FHIT: variants seen among roughly 807,000 people sequenced by gnomAD.
FHIT encodes fragile histidine triad diadenosine triphosphatase.
Under a neutral mutation model 17.9 loss-of-function variants are expected in FHIT, and 19 were observed. That is an observed-to-expected ratio of 1.06 (90% CI 0.74 to 1.56). The LOEUF is 1.56. Ranked by LOEUF, FHIT falls within the 40% of genes most tolerant of loss-of-function variation. FHIT has a pLI of 0.00. For synonymous variants in FHIT, 81 were observed against 69.7 expected (o/e 1.16, Z -0.81); for missense variants, 248 against 189.2 (o/e 1.31, Z -1.82).
intron 5 of FHIT, among the ~76,000 whole-genome samples, chr3:60,519,523 A>T (rs1576801518): frequency 6.6e-6 from 1 of 152,210 alleles, no homozygotes; most frequent in Non-Finnish European, 1.5e-5. Flanking sequence ...TTACCAATAA[A>T]CACTTGATTA....
intron 4 of FHIT, among the ~76,000 whole-genome samples, chr3:60,770,630 CT>C (rs1165857140): frequency 6.6e-6 from 1 of 152,142 alleles, no homozygotes; most frequent in African/African-American, 2.4e-5. Flanking sequence ...CCTTCGTATC[CT>C]AGATGTTACA....
chr3:61,023,596 C>T (rs74622387), intron 3 of FHIT, among the ~76,000 whole-genome samples: 5,015 of 152,162 alleles, frequency 0.033, 201 homozygotes, highest in African/African-American at 0.079. Context: ...TGATCTCAAA[C>T]GATACTACAA....
chr3:61,153,542 T>C (rs946449637), intron 2 of FHIT, among the ~76,000 whole-genome samples: 2 of 152,210 alleles, frequency 1.3e-5, no homozygotes, highest in African/African-American at 4.8e-5. Flanking sequence ...TCACTTTTTG[T>C]CTTTGAGTGA....
At chr3:61,037,392 C>T (rs1343873768) in intron 3 of FHIT, among the ~76,000 whole-genome samples, 2 of 152,082 alleles carry the variant, frequency 1.3e-5, no homozygotes, top group African/African-American at 4.8e-5. Flanking sequence ...ATAGTGTTTC[C>T]CAAAGCCTGG....
chr3:60,450,858 G>A (rs556286770), intron 5 of FHIT, among the ~76,000 whole-genome samples: 2 of 152,294 alleles, frequency 1.3e-5, no homozygotes, highest in South Asian at 4.1e-4. Context: ...TTAGGTACTA[G>A]TGACTTCGAA....
At chr3:60,170,066 G>A (rs902288076) in intron 5 of FHIT, among the ~76,000 whole-genome samples, 1 of 152,108 alleles carries the variant, frequency 6.6e-6, no homozygotes, top group Non-Finnish European at 1.5e-5. Context: ...GATTGGAGAA[G>A]GCGCCTTCTG....
At chr3:60,494,042 T>C (rs2034184115) in intron 5 of FHIT, among the ~76,000 whole-genome samples, 1 of 152,196 alleles carries the variant, frequency 6.6e-6, no homozygotes, top group Non-Finnish European at 1.5e-5. Flanking sequence ...CTCAAATACA[T>C]AAAGTTGTAA....
intron 3 of FHIT, among the ~76,000 whole-genome samples, chr3:60,963,249 T>C (rs1273212067): frequency 7.2e-5 from 11 of 152,234 alleles, no homozygotes; most frequent in Non-Finnish European, 1.2e-4. Flanking sequence ...GGTGGTAGTT[T>C]ATATTTCTGT....
intron 2 of FHIT, among the ~76,000 whole-genome samples, chr3:61,100,845 G>A (rs1259330618): frequency 6.6e-6 from 1 of 152,162 alleles, no homozygotes; most frequent in East Asian, 1.9e-4. Context: ...TCTGCTGACT[G>A]CATAGATGTC....
chr3:60,141,077 G>T (rs1205357781), intron 5 of FHIT, among the ~76,000 whole-genome samples: 4 of 152,144 alleles, frequency 2.6e-5, no homozygotes, highest in Admixed American at 1.3e-4. Context: ...AATAGCAGAA[G>T]AATGAAACTC....
intron 5 of FHIT, among the ~76,000 whole-genome samples, chr3:60,198,752 CTCTCTT>C: frequency 6.6e-6 from 1 of 152,290 alleles, no homozygotes; most frequent in Admixed American, 6.5e-5. Flanking sequence ...ATTTCTCAAT[CTCTCTT>C]TCTATCTTTT....
intron 5 of FHIT, among the ~76,000 whole-genome samples, chr3:60,245,867 A>T (rs1167173631): frequency 6.6e-6 from 1 of 152,136 alleles, no homozygotes; most frequent in Non-Finnish European, 1.5e-5. Flanking sequence ...CTGGAAAAAA[A>T]CTATCTGTAT....
At chr3:61,130,294 A>T (rs1230470089) in intron 2 of FHIT, among the ~76,000 whole-genome samples, 2 of 152,206 alleles carry the variant, frequency 1.3e-5, no homozygotes, top group Non-Finnish European at 2.9e-5. Flanking sequence ...TTGACCATAC[A>T]ACTCCACGTG....
chr3:60,973,327 T>C (rs56702966), intron 3 of FHIT, among the ~76,000 whole-genome samples: 15,747 of 152,152 alleles, frequency 0.1, 1,021 homozygotes, highest in East Asian at 0.24. Context: ...TCCTACTTCT[T>C]TGAAAGCCCT....
At chr3:60,178,829 T>C (rs1701795775) in intron 5 of FHIT, among the ~76,000 whole-genome samples, 1 of 152,170 alleles carries the variant, frequency 6.6e-6, no homozygotes, top group Non-Finnish European at 1.5e-5. Context: ...TACCATGGTA[T>C]GAGCATATTA....
chr3:60,541,200 A>G (rs1229802498), intron 4 of FHIT, among the ~76,000 whole-genome samples: 6 of 152,196 alleles, frequency 3.9e-5, no homozygotes, highest in East Asian at 3.9e-4. Context: ...TACAAATAAC[A>G]TAGTTGCTCT....
chr3:59,846,773 AT>A (rs1451931116), intron 8 of FHIT, among the ~76,000 whole-genome samples: 1 of 152,082 alleles, frequency 6.6e-6, no homozygotes, highest in East Asian at 1.9e-4. Flanking sequence ...GTTCTAATAA[AT>A]TTTCTCAGGT....
chr3:60,077,692 A>ACCCCCCCCC (rs1337065981), intron 5 of FHIT, among the ~76,000 whole-genome samples: 1 of 95,272 alleles, frequency 1.0e-5, no homozygotes, highest in African/African-American at 5.0e-5. Context: ...TACTTCACAC[A>ACCCCCCCCC]CACACACACA....
chr3:60,478,226 T>A (rs905261308), intron 5 of FHIT, among the ~76,000 whole-genome samples: 3 of 152,064 alleles, frequency 2.0e-5, no homozygotes, highest in Non-Finnish European at 2.9e-5. Context: ...ACAAAGGAAG[T>A]TCACACAGCT....
Sources: allele counts gnomAD v4.1 joint callset (sites outside exome capture counted in the v4.1 genomes callset), GRCh38; gene constraint gnomAD v4.1.1; transcripts MANE v1.5; gene names NCBI Gene and HGNC (gene_info 2026-07-23, HGNC 2026-07-21).